The following AGBL1 variants were observed in gnomAD, a reference collection of about 807,000 sequenced individuals.
AGBL1 encodes the protein AGBL carboxypeptidase 1.
AGBL1 carries 130 observed loss-of-function variants against 118.9 expected under a neutral mutation model. That is an observed-to-expected ratio of 1.09 (90% CI 0.95 to 1.26). The LOEUF (loss-of-function observed/expected upper bound fraction) is 1.26, where lower values mean the gene tolerates loss of function less well. Ranked by LOEUF, AGBL1 falls within the 50% of genes most tolerant of loss-of-function variation. AGBL1 has a pLI of 0.00. For synonymous variants in AGBL1, 555 were observed against 478.9 expected (o/e 1.16, Z -2.08); for missense variants, 1,584 against 1,298.1 (o/e 1.22, Z -3.38).
chr15:86,739,736 C>G (rs1208127919), intron 22 of AGBL1, among the ~76,000 whole-genome samples: 1 of 151,950 alleles, frequency 6.6e-6, no homozygotes, highest in Non-Finnish European at 1.5e-5. Context: ...TATCATTGTC[C>G]CTTTCAAAAC....
chr15:86,334,680 C>T (rs1457251227), intron 17 of AGBL1, among the ~76,000 whole-genome samples: 2 of 151,876 alleles, frequency 1.3e-5, no homozygotes, highest in Admixed American at 1.3e-4. Context: ...TCATATGGAA[C>T]CAAAAAACAG....
intron 18 of AGBL1, among the ~76,000 whole-genome samples, chr15:86,442,608 T>C (rs1025735072): frequency 2.0e-5 from 3 of 152,208 alleles, no homozygotes; most frequent in African/African-American, 7.2e-5. Flanking sequence ...TCCACCATTG[T>C]GGCTCAAGGA....
In AGBL1 at chr15:86,858,877, C is replaced by T. The variant is rs186426877; in HGVS notation, c.3159-48210C>T. Among the ~76,000 whole-genome samples, 245 of 152,262 alleles carry T rather than the reference C, an allele frequency of 1.6e-3. 1 individual carries two copies. The highest frequency in any genetic ancestry group is 5.7e-3 in the African/African-American group (235 of 41,558). The stretch of plus-strand genomic sequence containing the variant: ...CACTGTGTCTTTCTTATCAGGCCTT[C>T]TTCTCAGTTGTATTATCTTTAATCC... On this transcript the variant is annotated intron_variant, in intron 22 of 22. Coordinates refer to ENST00000614907, the MANE Select transcript of AGBL1 (RefSeq NM_001386094.1).
intron 23 of AGBL1, among the ~76,000 whole-genome samples, chr15:86,937,395 A>G (rs934141081): frequency 5.3e-5 from 8 of 152,238 alleles, no homozygotes; most frequent in African/African-American, 1.9e-4. Flanking sequence ...AAGACATGGA[A>G]TCAATCTAAA....
At chr15:86,950,603 A>G (rs1214090933) in intron 23 of AGBL1, among the ~76,000 whole-genome samples, 8 of 151,686 alleles carry the variant, frequency 5.3e-5, no homozygotes, top group Non-Finnish European at 1.0e-4. Flanking sequence ...AAATTAAGAT[A>G]TTTTATTTAC....
At chr15:86,482,084 A>G (rs2082659855) in intron 18 of AGBL1, among the ~76,000 whole-genome samples, 1 of 152,186 alleles carries the variant, frequency 6.6e-6, no homozygotes, top group Non-Finnish European at 1.5e-5. Flanking sequence ...CAAAGGAGAC[A>G]GAAGCAATGT....
intron 22 of AGBL1, among the ~76,000 whole-genome samples, chr15:86,694,360 G>A (rs182164346): frequency 9.6e-4 from 146 of 151,962 alleles, no homozygotes; most frequent in Non-Finnish European, 1.4e-3. Context: ...TGCAGCTAAC[G>A]TAAAGGGTGT....
chr15:86,320,619 T>C (rs1026802277), intron 17 of AGBL1, among the ~76,000 whole-genome samples: 23 of 152,120 alleles, frequency 1.5e-4, no homozygotes, highest in Non-Finnish European at 3.1e-4. Flanking sequence ...CAATGCTTAT[T>C]ATATGCGGTG....
chr15:86,888,809 A>G (rs2080008996), intron 22 of AGBL1, among the ~76,000 whole-genome samples: 1 of 152,200 alleles, frequency 6.6e-6, no homozygotes, highest in Non-Finnish European at 1.5e-5. Flanking sequence ...ACTGTTAATC[A>G]GAACATAAAA....
intron 19 of AGBL1, among the ~76,000 whole-genome samples, chr15:86,526,917 T>C (rs2083275480): frequency 6.6e-6 from 1 of 152,086 alleles, no homozygotes; most frequent in Non-Finnish European, 1.5e-5. Context: ...ACTATTCAGG[T>C]GATAGGTACA....
intron 18 of AGBL1, among the ~76,000 whole-genome samples, chr15:86,501,118 T>C (rs369751920): frequency 5.3e-5 from 8 of 151,254 alleles, no homozygotes; most frequent in African/African-American, 2.0e-4. Flanking sequence ...AACCACTTTA[T>C]ATTTCACCAG....
At chr15:86,644,138 T>G (rs957027158) in intron 21 of AGBL1, among the ~76,000 whole-genome samples, 1 of 152,210 alleles carries the variant, frequency 6.6e-6, no homozygotes, top group Non-Finnish European at 1.5e-5. Flanking sequence ...ATCATCACTA[T>G]TTCTATACAT....
At chr15:86,773,233 C>A (rs780765021) in intron 22 of AGBL1, among the ~76,000 whole-genome samples, 11 of 151,928 alleles carry the variant, frequency 7.2e-5, no homozygotes, top group Non-Finnish European at 1.5e-4. Context: ...AAAAGACTTG[C>A]AAAAAGAATA....
intron 5 of AGBL1, among the ~76,000 whole-genome samples, chr15:86,160,220 A>G (rs185805233): frequency 6.6e-6 from 1 of 151,638 alleles, no homozygotes; most frequent in Admixed American, 6.6e-5. Flanking sequence ...GTGGAATTCA[A>G]TTAAATTCTG....
At chr15:86,842,926 A>G (rs1034496685) in intron 22 of AGBL1, among the ~76,000 whole-genome samples, 13 of 152,030 alleles carry the variant, frequency 8.6e-5, no homozygotes, top group African/African-American at 2.9e-4. Flanking sequence ...TAATGATCTC[A>G]TTAGACAATT....
chr15:86,399,616 C>G (rs1176160789), intron 18 of AGBL1, among the ~76,000 whole-genome samples: 1 of 152,166 alleles, frequency 6.6e-6, no homozygotes, highest in Non-Finnish European at 1.5e-5. Flanking sequence ...AATATTCAAG[C>G]TCAGGGATTA....
intron 16 of AGBL1, among the ~76,000 whole-genome samples, chr15:86,282,468 G>A (rs1054426112): frequency 3.9e-5 from 6 of 152,082 alleles, no homozygotes; most frequent in Admixed American, 6.5e-5. Context: ...TGAGAAAGAG[G>A]GATAACTTAT....
chr15:86,549,700 C>T (rs1381655940), intron 20 of AGBL1, among the ~76,000 whole-genome samples: 3 of 151,802 alleles, frequency 2.0e-5, no homozygotes, highest in African/African-American at 7.3e-5. Context: ...TAATTATTTC[C>T]AAGCAACTGT....
chr15:86,436,140 A>T, intron 18 of AGBL1, among the ~76,000 whole-genome samples: 2 of 118,522 alleles, frequency 1.7e-5, no homozygotes, highest in South Asian at 3.0e-4. Context: ...CCTCAATTCT[A>T]AGCCTTGCAT....
Sources: allele counts gnomAD v4.1 joint callset (sites outside exome capture counted in the v4.1 genomes callset), GRCh38; gene constraint gnomAD v4.1.1; transcripts MANE v1.5; gene names NCBI Gene and HGNC (gene_info 2026-07-23, HGNC 2026-07-21).